Variants in PKP2 observed in about 807,000 individuals in gnomAD.
The protein encoded by PKP2 is plakophilin 2, also known as plakophilin-2.
PKP2 carries 73 observed loss-of-function variants against 83.4 expected under a neutral mutation model. That is an observed-to-expected ratio of 0.88 (90% CI 0.72 to 1.06). The LOEUF is 1.06. PKP2 is among the 50% of genes least tolerant of loss of function. The pLI, the probability that PKP2 is intolerant of heterozygous loss-of-function variation, is 0.00. For missense variants in PKP2, 966 were observed against 1,065.4 expected, an observed-to-expected ratio of 0.91 and a Z score of 1.30; for synonymous variants, 409 against 430.4, an observed-to-expected ratio of 0.95 and a Z score of 0.62.
At position 32,806,080 on chromosome 12, in the gene PKP2, T is replaced by C. The variant is rs557272407; in HGVS notation, c.2014-3524A>G. On this transcript the variant is annotated intron_variant, in intron 9 of 12. Coordinates refer to ENST00000340811, the MANE Select transcript of PKP2 (RefSeq NM_001005242.3). ...ATGAAACCCACTTGATGGTGGTGGA[T>C]AAGCTTTTTGATATGCTGCTAGATT... is the stretch of plus-strand genomic sequence containing the variant. 4.6e-5 allele frequency among the ~76,000 whole-genome samples: 7 copies of C among 152,336 alleles called. No individual in the cohort carries two copies. The South Asian group carries it at 8.3e-4, about 18-fold the overall frequency.
chr12:32,894,980 G>A (rs942593013), intron 1 of PKP2, among the ~76,000 whole-genome samples: 2 of 152,200 alleles, frequency 1.3e-5, no homozygotes, highest in South Asian at 4.2e-4. Flanking sequence ...ATGGGAGGGG[G>A]CCACGGAGAG....
intron 9 of PKP2, 186 bp downstream of exon 9, chr12:32,821,170 G>C: frequency 1.6e-6 from 1 of 608,602 alleles, no homozygotes; most frequent in South Asian, 1.9e-5. Context: ...GACTTGACTT[G>C]TCAGTCAAGC....
Position 32,878,466 on chromosome 12 carries a change from T to A in PKP2, c.414A>T (p.Glu138Asp), listed in dbSNP as rs771153426. ...TCCTCAGAGGATGCCTCAAGGACCTTTCTTCCACGGACTTCTGGGAGCTGT... is the reference window on the plus strand; with the variant it reads ...TCCTCAGAGGATGCCTCAAGGACCTATCTTCCACGGACTTCTGGGAGCTGT... ...AQYSSQKSVEERSLRHPLRRL... is the reference protein window; with the variant it reads ...AQYSSQKSVEDRSLRHPLRRL... The change falls in exon 3 of 13, where the codon GAA becomes GAT. Residue 138 changes from glutamate to aspartate, a missense_variant. Physicochemically the swap from Glu to Asp is conservative, Grantham distance 45. Coordinates refer to ENST00000340811, the MANE Select transcript of PKP2 (RefSeq NM_001005242.3). The A allele has an allele frequency of 3.5e-5, 56 of 1,613,972 alleles. No homozygotes were observed. The highest frequency in any genetic ancestry group is 4.6e-5 in the Non-Finnish European group (54 of 1,179,992).
At chr12:32,847,281 G>C (rs887972060) in intron 5 of PKP2, among the ~76,000 whole-genome samples, 2 of 152,162 alleles carry the variant, frequency 1.3e-5, no homozygotes, top group African/African-American at 4.8e-5. Context: ...AGAAGGATTT[G>C]TATCAGATGT....
chr12:32,811,911 A>T (rs1956280235), intron 9 of PKP2, among the ~76,000 whole-genome samples: 1 of 152,178 alleles, frequency 6.6e-6, no homozygotes, highest in South Asian at 2.1e-4. Flanking sequence ...TACACCACAC[A>T]GCAAAGAGAG....
intron 1 of PKP2, among the ~76,000 whole-genome samples, chr12:32,882,764 ATC>A (rs1389653949): frequency 3.9e-5 from 6 of 152,160 alleles, no homozygotes; most frequent in Non-Finnish European, 8.8e-5. Context: ...AGCTACTATC[ATC>A]TCTGTTTATA....
At chr12:32,851,029 A>G in intron 4 of PKP2, 56 bp from the exon 5 acceptor site, 4 of 1,353,752 alleles carry the variant, frequency 3.0e-6, no homozygotes, top group Non-Finnish European at 4.2e-6. Context: ...GCATCAAGGC[A>G]TTCAATGTAA....
At chr12:32,815,070 A>G (rs1956309636) in intron 9 of PKP2, among the ~76,000 whole-genome samples, 1 of 152,152 alleles carries the variant, frequency 6.6e-6, no homozygotes, top group African/African-American at 2.4e-5. Flanking sequence ...AGGGCGAACA[A>G]TGCATTTGCA....
intron 4 of PKP2, among the ~76,000 whole-genome samples, chr12:32,868,559 G>T (rs1318927630): frequency 6.6e-6 from 1 of 151,518 alleles, no homozygotes; most frequent in Non-Finnish European, 1.5e-5. Context: ...GTCTTGTTCT[G>T]TCACCCAGGC....
intron 4 of PKP2, among the ~76,000 whole-genome samples, chr12:32,861,983 C>A (rs534927896): frequency 1.3e-5 from 2 of 152,082 alleles, no homozygotes; most frequent in Non-Finnish European, 2.9e-5. Flanking sequence ...CTGCAACCTT[C>A]GCCTCCTGGG....
chr12:32,805,705 G>C (rs904759804), intron 9 of PKP2, among the ~76,000 whole-genome samples: 3 of 152,132 alleles, frequency 2.0e-5, no homozygotes, highest in Non-Finnish European at 4.4e-5. Flanking sequence ...TTTGGTTATG[G>C]TAGCCCTGTA....
At chr12:32,883,080 A>G (rs1403569996) in intron 1 of PKP2, among the ~76,000 whole-genome samples, 1 of 152,266 alleles carries the variant, frequency 6.6e-6, no homozygotes, top group Non-Finnish European at 1.5e-5. Flanking sequence ...TTCAGTTTTC[A>G]GATGAATGAA....
intron 3 of PKP2, among the ~76,000 whole-genome samples, chr12:32,872,263 TG>T (rs1956901563): frequency 6.6e-6 from 1 of 152,130 alleles, no homozygotes; most frequent in African/African-American, 2.4e-5. Context: ...CGGGCGGTGG[TG>T]GCTCATACCT....
At chr12:32,832,981 C>T (rs1437549487) in intron 6 of PKP2, among the ~76,000 whole-genome samples, 1 of 152,178 alleles carries the variant, frequency 6.6e-6, no homozygotes, top group African/African-American at 2.4e-5. Flanking sequence ...CACGCTGGCT[C>T]ACACCTGTAG....
intron 6 of PKP2, among the ~76,000 whole-genome samples, chr12:32,836,731 A>C (rs1464485709): frequency 1.3e-5 from 2 of 152,224 alleles, no homozygotes; most frequent in Non-Finnish European, 2.9e-5. Flanking sequence ...ATTCGGTAAC[A>C]TTCATGATTT....
At chr12:32,834,976 CGT>C (rs10629969) in intron 6 of PKP2, among the ~76,000 whole-genome samples, 13,031 of 119,314 alleles carry the variant, frequency 0.11, 779 homozygotes, top group Middle Eastern at 0.18. Flanking sequence ...TCACAATAGG[CGT>C]GTGTGTGTGT....
At chr12:32,833,042 A>G (rs1401199480) in intron 6 of PKP2, among the ~76,000 whole-genome samples, 1 of 152,152 alleles carries the variant, frequency 6.6e-6, no homozygotes, top group African/African-American at 2.4e-5. Context: ...CAGGAGTTTG[A>G]GACCAGCCTG....
rs565037869 is a variant in PKP2, at chr12:32,859,335, A to C, written c.1171-8362T>G. Among the ~76,000 whole-genome samples, 23 of 152,338 alleles carry C rather than the reference A, an allele frequency of 1.5e-4. No individual in the cohort carries two copies. In the South Asian group the frequency reaches 4.1e-3, roughly 27 times the overall value. ...TTCCATTAAGTTCTCATTCCACTTTAAACTTAAACTAAAAATGGCAGATGA... is the reference window on the plus strand; with the variant it reads ...TTCCATTAAGTTCTCATTCCACTTTCAACTTAAACTAAAAATGGCAGATGA... On this transcript the variant is annotated intron_variant, in intron 4 of 12. Transcript: ENST00000340811.
intron 6 of PKP2, among the ~76,000 whole-genome samples, chr12:32,833,100 G>A (rs1049594189): frequency 6.6e-6 from 1 of 152,116 alleles, no homozygotes; most frequent in African/African-American, 2.4e-5. Flanking sequence ...AAAACCAGCT[G>A]GGCGAGGTGC....
Sources: allele counts gnomAD v4.1 joint callset (sites outside exome capture counted in the v4.1 genomes callset), GRCh38; gene constraint gnomAD v4.1.1; transcripts MANE v1.5; gene names NCBI Gene and HGNC (gene_info 2026-07-23, HGNC 2026-07-21).